Variants in NCALD observed in about 807,000 individuals in gnomAD.
NCALD encodes the protein neurocalcin-delta.
NCALD carries 10 observed loss-of-function variants against 18.6 expected under a neutral mutation model. The ratio of observed to expected loss-of-function variants is 0.54; its 90% confidence interval spans 0.33 to 0.91. The LOEUF is 0.91. Among genes scored for constraint, NCALD ranks in the 40% least tolerant of loss-of-function variants. The pLI is 0.03. For synonymous variants in NCALD, 88 were observed against 87.4 expected, an observed-to-expected ratio of 1.01 and a Z score of -0.04; for missense variants, 184 against 247.6, an observed-to-expected ratio of 0.74 and a Z score of 1.72.
chr8:102,053,678 T>C (rs1219185103), intron 1 of NCALD, among the ~76,000 whole-genome samples: 1 of 152,212 alleles, frequency 6.6e-6, no homozygotes, highest in Admixed American at 6.5e-5. Context: ...TAGATGTCAT[T>C]TCTCTTTGAC....
At chr8:101,808,020 A>G (rs190847695) in intron 4 of NCALD, among the ~76,000 whole-genome samples, 1 of 152,318 alleles carries the variant, frequency 6.6e-6, no homozygotes, top group East Asian at 1.9e-4. Flanking sequence ...AAATTAATAA[A>G]AGTAATAACT....
chr8:101,783,604 G>C (rs1812104982), intron 1 of NCALD, among the ~76,000 whole-genome samples: 1 of 152,190 alleles, frequency 6.6e-6, no homozygotes, highest in South Asian at 2.1e-4. Context: ...GAGTAGGTAT[G>C]GGAGAGGGAG....
chr8:101,767,242 CAAGT>C (rs1439284678), intron 1 of NCALD, among the ~76,000 whole-genome samples: 2 of 152,116 alleles, frequency 1.3e-5, no homozygotes, highest in African/African-American at 4.8e-5. Context: ...AAAAATACTG[CAAGT>C]AATAAGTAAC....
chr8:101,691,923 T>A (rs1302972102), intron 3 of NCALD: 5 of 985,304 alleles, frequency 5.1e-6, no homozygotes, highest in African/African-American at 1.7e-5. Context: ...CAGCAAGAGC[T>A]ACAGAGCCGG....
At position 101,688,441 on chromosome 8, in the gene NCALD, T is replaced by C. The variant is rs911998972; in HGVS notation, c.*868A>G. The C allele has an allele frequency of 1.4e-5, 4 of 287,880 alleles. No homozygotes were observed. The highest frequency in any genetic ancestry group is 7.1e-5 in the South Asian group (2 of 28,232). The allele number at this position is 287,880 out of a possible 1,614,324, so 17.8% of individuals were successfully genotyped here. A position where few individuals can be genotyped will look rare whatever the true frequency, so the allele number is the denominator to read the frequency against. On this transcript the variant is annotated 3_prime_UTR_variant, in exon 4 of 4. Coordinates refer to ENST00000220931, the MANE Select transcript of NCALD (RefSeq NM_032041.3). Reference sequence around the variant, plus strand: ...CAAACAAGACAGACATTCATTATAGTTGTCTTACTTCACAATAAGCTACTA... The same window carrying C: ...CAAACAAGACAGACATTCATTATAGCTGTCTTACTTCACAATAAGCTACTA...
intron 2 of NCALD, among the ~76,000 whole-genome samples, chr8:101,706,301 A>C (rs1815517712): frequency 6.6e-6 from 1 of 151,432 alleles, no homozygotes; most frequent in Non-Finnish European, 1.5e-5. Context: ...ATTAGAGGAT[A>C]GATAGTAAGA....
chr8:101,800,636 A>G (rs866277793), intron 4 of NCALD, among the ~76,000 whole-genome samples: 14 of 151,744 alleles, frequency 9.2e-5, no homozygotes, highest in African/African-American at 2.9e-4. Context: ...CAAGAGACAC[A>G]CTTTGAAATC....
intron 1 of NCALD, among the ~76,000 whole-genome samples, chr8:102,045,108 G>A (rs1823193364): frequency 6.6e-6 from 1 of 152,200 alleles, no homozygotes; most frequent in Non-Finnish European, 1.5e-5. Flanking sequence ...GTAATGCACT[G>A]CTGCCATGAG....
intron 1 of NCALD, among the ~76,000 whole-genome samples, chr8:102,033,037 T>G (rs1397919894): frequency 1.3e-5 from 2 of 152,204 alleles, no homozygotes; most frequent in Non-Finnish European, 2.9e-5. Flanking sequence ...AGATTTGTTC[T>G]TAGGGAAATA....
intron 1 of NCALD, among the ~76,000 whole-genome samples, chr8:102,106,690 T>C (rs1825466553): frequency 6.6e-6 from 1 of 152,156 alleles, no homozygotes; most frequent in Non-Finnish European, 1.5e-5. Flanking sequence ...AAGCTTGGCC[T>C]CCTCTTAAAT....
At chr8:101,998,102 C>T (rs1476241689) in intron 2 of NCALD, among the ~76,000 whole-genome samples, 2 of 152,088 alleles carry the variant, frequency 1.3e-5, no homozygotes, top group African/African-American at 4.8e-5. Flanking sequence ...AATGCAGGCT[C>T]CACATTCTTA....
At chr8:101,929,515 GA>G (rs1338367927) in intron 2 of NCALD, among the ~76,000 whole-genome samples, 1 of 36,158 alleles carries the variant, frequency 2.8e-5, no homozygotes, top group Non-Finnish European at 5.6e-5. Context: ...GGGAAGGAGG[GA>G]GGGGGGAGGG....
chr8:101,835,656 T>C (rs1814380466), intron 4 of NCALD, among the ~76,000 whole-genome samples: 1 of 152,154 alleles, frequency 6.6e-6, no homozygotes, highest in Non-Finnish European at 1.5e-5. Context: ...TCACTTCCAT[T>C]CACATTTCAT....
At chr8:101,816,558 G>T (rs945985112) in intron 4 of NCALD, among the ~76,000 whole-genome samples, 1 of 152,006 alleles carries the variant, frequency 6.6e-6, no homozygotes, top group African/African-American at 2.4e-5. Flanking sequence ...ACTTCTTTGG[G>T]TCTTCATTTC....
intron 2 of NCALD, among the ~76,000 whole-genome samples, chr8:101,973,542 C>T (rs978797639): frequency 2.6e-5 from 4 of 152,176 alleles, no homozygotes; most frequent in Non-Finnish European, 5.9e-5. Flanking sequence ...GTGCTACTGT[C>T]CCCCAACTGG....
intron 3 of NCALD, among the ~76,000 whole-genome samples, chr8:101,890,724 C>T (rs777773832): frequency 5.9e-5 from 9 of 152,188 alleles, no homozygotes; most frequent in Non-Finnish European, 1.2e-4. Flanking sequence ...ACTTCCCAGC[C>T]TCCAAAATGG....
rs1040336176 is a variant in NCALD at position 101,870,899 on chromosome 8, C to A, written c.-20+16242G>T. 1.2e-4 allele frequency among the ~76,000 whole-genome samples: 7 copies of A among 59,256 alleles called. No homozygotes were observed. In the Admixed American group the frequency reaches 1.4e-3, roughly 12 times the overall value. The allele number at this position is 59,256 out of a possible 152,430, so 38.9% of individuals were successfully genotyped here. Reference sequence around the variant, plus strand: ...GACTATGCTCTACCACCGCCCCCACCCCCCCCCCCCAAAAAAAGAGAGAAC... The same window carrying A: ...GACTATGCTCTACCACCGCCCCCACACCCCCCCCCCAAAAAAAGAGAGAAC... On this transcript the variant is annotated intron_variant, in intron 4 of 6. Transcript: ENST00000311028.
Position 101,929,397 on chromosome 8 carries a change from T to TGGAGGGAGGAAGGGAGGAAG in NCALD, c.-156-13540_-156-13539insCTTCCTCCCTTCCTCCCTCC, listed in dbSNP as rs1563906185. Among the ~76,000 whole-genome samples, 14 of 3,938 alleles carry TGGAGGGAGGAAGGGAGGAAG rather than the reference T, an allele frequency of 3.6e-3. 1 individual carries two copies. Among genetic ancestry groups the TGGAGGGAGGAAGGGAGGAAG allele is most frequent in the African/African-American group, 0.016 (11 of 702 alleles). 2.6% of individuals were successfully genotyped at this position (3,938 alleles called of 152,430 possible). On this transcript the variant is annotated intron_variant, in intron 2 of 6. Transcript: ENST00000311028. ...AGGGAAGGGAGGAGGGAGGGAGGCA[T>TGGAGGGAGGAAGGGAGGAAG]GGAGGGAGGGAGGGAGGAAGGGAGG...
intron 2 of NCALD, among the ~76,000 whole-genome samples, chr8:102,009,660 G>T (rs1821836577): frequency 6.6e-6 from 1 of 152,212 alleles, no homozygotes; most frequent in African/African-American, 2.4e-5. Flanking sequence ...TTGAAGATCA[G>T]ATTTGCTGTT....
Sources: gnomAD v4.1 joint callset for allele counts (sites outside exome capture counted in the v4.1 genomes callset) on GRCh38, gnomAD v4.1.1 for gene constraint, MANE v1.5 for transcripts, NCBI Gene and HGNC (gene_info 2026-07-23, HGNC 2026-07-21) for gene names.